Variants in KLHL41 observed in about 807,000 individuals in gnomAD.
KLHL41 encodes kelch-like protein 41.
A neutral mutation model predicts 49.2 loss-of-function variants in KLHL41; 31 were observed. That is an observed-to-expected ratio of 0.63 (90% CI 0.47 to 0.85). The LOEUF (loss-of-function observed/expected upper bound fraction) is 0.85. Ranked by LOEUF, KLHL41 falls within the 40% of genes least tolerant of loss-of-function variation. The pLI is 0.00. For synonymous variants in KLHL41, 218 were observed against 258.5 expected (o/e 0.84, Z 1.50); for missense variants, 663 against 726.7 (o/e 0.91, Z 1.01).
intron 3 of KLHL41, among the ~76,000 whole-genome samples, chr2:169,517,351 C>T (rs1465585573): frequency 2.0e-5 from 3 of 152,186 alleles, no homozygotes; most frequent in African/African-American, 7.2e-5. Context: ...ACCTGTAATC[C>T]CAGCACTTTG....
rs986865383 is a variant in KLHL41, at chr2:169,525,721, T to G, written c.*25T>G. ...AACAAGGTGACAAAACATAATAGAT[T>G]GGGAGGTGGTTTGTTTGGTGAATGG... On this transcript the variant is annotated 3_prime_UTR_variant, in exon 6 of 6. Transcript: ENST00000284669. 1 of 1,381,530 alleles carries G rather than the reference T, an allele frequency of 7.2e-7. No individual in the cohort carries two copies. Among genetic ancestry groups the G allele is most frequent in the Non-Finnish European group, 1.0e-6 (1 of 970,746 alleles). 85.6% of individuals were successfully genotyped at this position (1,381,530 alleles called of 1,614,324 possible).
In KLHL41 at chr2:169,510,078, C is replaced by T. The variant is rs768530305; in HGVS notation, c.300C>T (p.Asp100=). The T allele has an allele frequency of 8.1e-6, 13 of 1,613,992 alleles. No individual in the cohort carries two copies. Among genetic ancestry groups the T allele is most frequent in the South Asian group, 1.1e-5 (1 of 91,084 alleles). ...YLYSASIDLN[D]GNVQDIFALA... is the part of the protein sequence containing the mutation. ...ACTCTGCCAGTATTGATCTCAATGACGGAAATGTGCAAGATATTTTTGCAT... is the reference window on the plus strand; with the variant it reads ...ACTCTGCCAGTATTGATCTCAATGATGGAAATGTGCAAGATATTTTTGCAT... The change falls in exon 1 of 6, where the codon GAC becomes GAT. Residue 100 remains aspartate (D), a synonymous_variant. Coordinates refer to ENST00000284669, the MANE Select transcript of KLHL41 (RefSeq NM_006063.3). The surrounding 1 kb of genome is among the most constrained non-coding windows in gnomAD (Gnocchi z 4.2).
At chr2:169,516,866 A>G (rs1218008353) in intron 3 of KLHL41, among the ~76,000 whole-genome samples, 1 of 152,178 alleles carries the variant, frequency 6.6e-6, no homozygotes, top group Non-Finnish European at 1.5e-5. Context: ...TACTAAAAAT[A>G]CAAAATTAAC....
At chr2:169,518,051 G>A (rs1684141751) in intron 3 of KLHL41, 139 bp from the exon 4 acceptor site, 7 of 615,688 alleles carry the variant, frequency 1.1e-5, no homozygotes, top group South Asian at 2.4e-5. Context: ...CCTTTGTTTA[G>A]TGGCATATGT....
At chr2:169,522,840 A>G (rs1395890147) in intron 5 of KLHL41, among the ~76,000 whole-genome samples, 2 of 148,112 alleles carry the variant, frequency 1.4e-5, no homozygotes, top group Admixed American at 7.0e-5. Context: ...CTCCTGCCTC[A>G]GGCTCTGGAG....
chr2:169,520,562 C>T (rs1684188380), intron 4 of KLHL41, among the ~76,000 whole-genome samples: 1 of 152,078 alleles, frequency 6.6e-6, no homozygotes. Flanking sequence ...AGTGATTCTC[C>T]TGCCACAGCC....
intron 1 of KLHL41, among the ~76,000 whole-genome samples, chr2:169,511,842 C>A (rs926674033): frequency 6.6e-6 from 1 of 152,124 alleles, no homozygotes; most frequent in East Asian, 1.9e-4. Context: ...TCTCCTAAAC[C>A]AATATACCCT....
intron 5 of KLHL41, among the ~76,000 whole-genome samples, chr2:169,524,355 G>A (rs1179231621): frequency 6.6e-6 from 1 of 151,336 alleles, no homozygotes; most frequent in Non-Finnish European, 1.5e-5. Context: ...TCTTATGTAG[G>A]TACAAGCTAA....
At chr2:169,517,844 A>G (rs1047441558) in intron 3 of KLHL41, among the ~76,000 whole-genome samples, 1 of 152,194 alleles carries the variant, frequency 6.6e-6, no homozygotes, top group Admixed American at 6.5e-5. Flanking sequence ...TAAACTTACC[A>G]TTTGTTATTG....
Position 169,509,945 on chromosome 2 carries a change from C to A in KLHL41, c.167C>A (p.Pro56His). ...CHRLILSACS[P>H]YFREYFLSEI... The stretch of plus-strand genomic sequence containing the variant: ...AGATTGATTTTGTCAGCTTGTAGTC[C>A]TTACTTCCGTGAGTACTTTTTATCT... The change falls in exon 1 of 6, where the codon CCT (proline) becomes CAT (histidine). Residue 56 changes from proline to histidine, a missense_variant. Around this residue, in one of 3 missense-constraint regions of KLHL41, gnomAD observed 129 missense variants for 122.1 expected, o/e 1.06. Transcript: ENST00000284669. 1 of 1,614,136 alleles carries A rather than the reference C, an allele frequency of 6.2e-7. No homozygotes were observed. Among genetic ancestry groups the A allele is most frequent in the Non-Finnish European group, 8.5e-7 (1 of 1,180,018 alleles).
In KLHL41 at chr2:169,525,951, A is replaced by C; in HGVS notation, c.*255A>C. The C allele has an allele frequency of 3.6e-6, 1 of 278,654 alleles. No individual in the cohort carries two copies. Among genetic ancestry groups the C allele is most frequent in the Non-Finnish European group, 6.7e-6 (1 of 150,334 alleles). 17.3% of individuals were successfully genotyped at this position (278,654 alleles called of 1,614,324 possible). A position where few individuals can be genotyped will look rare whatever the true frequency, so the allele number is the denominator to read the frequency against. ...TTATTTTGTGAATCTGTTTCACTCA[A>C]TGGATTGTAAAGAAGGCTCCTAAAT... On this transcript the variant is annotated 3_prime_UTR_variant, in exon 6 of 6. Transcript: ENST00000284669.
chr2:169,511,542 A>T (rs539335266), intron 1 of KLHL41, among the ~76,000 whole-genome samples: 21 of 152,148 alleles, frequency 1.4e-4, no homozygotes, highest in Non-Finnish European at 2.8e-4. Flanking sequence ...ACCTTCTTCC[A>T]AGTTTCCCTG....
rs561372225 is a variant in KLHL41 at position 169,511,229 on chromosome 2, T to G, written c.1110+341T>G. On this transcript the variant is annotated intron_variant, in intron 1 of 5. Transcript: ENST00000284669. The stretch of plus-strand genomic sequence containing the variant: ...AGTAAAAACTAAATTTATTTTTTCT[T>G]AGCAGAGATGGGCTCTCACTATGTT... 6.6e-5 allele frequency among the ~76,000 whole-genome samples: 10 copies of G among 152,318 alleles called. No homozygotes were observed. In the East Asian group the frequency reaches 1.9e-3, roughly 29 times the overall value.
intron 3 of KLHL41, among the ~76,000 whole-genome samples, chr2:169,516,982 A>G (rs1337039282): frequency 2.0e-5 from 3 of 152,214 alleles, no homozygotes; most frequent in African/African-American, 7.2e-5. Context: ...ACTGCACTCC[A>G]GCCTGGGCAA....
At position 169,510,621 on chromosome 2, in the gene KLHL41, T is replaced by G. The variant is rs773869984; in HGVS notation, c.843T>G (p.Asp281Glu). The G allele has an allele frequency of 6.8e-6, 11 of 1,614,002 alleles. No individual in the cohort carries two copies. The East Asian group carries it at 2.2e-4, about 33-fold the overall frequency. Reference sequence around the variant, plus strand: ...CTGGGGCTGGTGAGGTGAATGGTGATGTTGGTGATGAAGATTTACTTCCTG... The same window carrying G: ...CTGGGGCTGGTGAGGTGAATGGTGAGGTTGGTGATGAAGATTTACTTCCTG... ...AKTGAGEVNG[D>E]VGDEDLLPGY... Residue 281 changes from aspartate (D) to glutamate (E), a missense_variant, in exon 1 of 6, where the codon GAT (aspartate) becomes GAG (glutamate). By Grantham distance (45) the Asp-to-Glu change is conservative. Coordinates refer to ENST00000284669, the MANE Select transcript of KLHL41 (RefSeq NM_006063.3). The surrounding 1 kb of genome is among the most constrained non-coding windows in gnomAD (Gnocchi z 4.2).
intron 1 of KLHL41, among the ~76,000 whole-genome samples, chr2:169,512,990 CAAT>C (rs1441225422): frequency 6.6e-6 from 1 of 152,078 alleles, no homozygotes; most frequent in Non-Finnish European, 1.5e-5. Context: ...CTAATTTTAA[CAAT>C]GAGGAAAGTT....
chr2:169,525,716 TAG>T lies in KLHL41; in HGVS notation c.*22_*23del. On this transcript the variant is annotated 3_prime_UTR_variant, in exon 6 of 6. Coordinates refer to ENST00000284669, the MANE Select transcript of KLHL41 (RefSeq NM_006063.3). Reference sequence around the variant, plus strand: ...CTGTGAACAAGGTGACAAAACATAATAGATTGGGAGGTGGTTTGTTTGGTGAA... The same window carrying T: ...CTGTGAACAAGGTGACAAAACATAATATTGGGAGGTGGTTTGTTTGGTGAA... The T allele has an allele frequency of 7.0e-7, 1 of 1,423,474 alleles. No homozygotes were observed. Among genetic ancestry groups the T allele is most frequent in the Non-Finnish European group, 9.9e-7 (1 of 1,007,854 alleles). 88.2% of individuals were successfully genotyped at this position (1,423,474 alleles called of 1,614,324 possible). A position where few individuals can be genotyped will look rare whatever the true frequency, so the allele number is the denominator to read the frequency against.
At chr2:169,513,932 T>C (rs1284871753) in intron 1 of KLHL41, among the ~76,000 whole-genome samples, 7 of 152,106 alleles carry the variant, frequency 4.6e-5, no homozygotes, top group Admixed American at 4.6e-4. Context: ...AGTTACTTAT[T>C]AATATAAATT....
intron 5 of KLHL41, among the ~76,000 whole-genome samples, chr2:169,522,854 C>G (rs1684222573): frequency 6.6e-6 from 1 of 151,640 alleles, no homozygotes; most frequent in South Asian, 2.1e-4. Flanking sequence ...TCTGGAGCAG[C>G]TGGGACTACA....
Sources: allele counts gnomAD v4.1 joint callset (sites outside exome capture counted in the v4.1 genomes callset), GRCh38; gene constraint gnomAD v4.1.1; regional missense constraint gnomAD v4.1.1; non-coding constraint Gnocchi (gnomAD v3.1); transcripts MANE v1.5; gene names NCBI Gene and HGNC (gene_info 2026-07-23, HGNC 2026-07-21).